The following XKR9 variants were observed in gnomAD, a reference collection of about 807,000 sequenced individuals.
XKR9 encodes XK-related protein 9.
Under a neutral mutation model 32.0 loss-of-function variants are expected in XKR9, and 32 were observed. The observed-to-expected ratio is 1.00, with a 90% CI of 0.76 to 1.34. The LOEUF (loss-of-function observed/expected upper bound fraction) is 1.34, where lower values mean the gene tolerates loss of function less well. Ranked by LOEUF, XKR9 falls within the 40% of genes most tolerant of loss-of-function variation. The pLI, the probability that XKR9 is intolerant of heterozygous loss-of-function variation, is 0.00. For synonymous variants in XKR9, 168 were observed against 143.4 expected, an observed-to-expected ratio of 1.17 and a Z score of -1.22; for missense variants, 546 against 429.7, an observed-to-expected ratio of 1.27 and a Z score of -2.39.
Position 70,681,220 on chromosome 8 carries a change from G to A in XKR9, c.162G>A (p.Val54=). The change falls in exon 3 of 5, where the codon GTG becomes GTA. Residue 54 remains valine, a synonymous_variant. Coordinates refer to ENST00000408926, the MANE Select transcript of XKR9 (RefSeq NM_001011720.2). ...ALSFMLFGTL[V]AQCFSYSWFK... ...GCTTTATGCTTTTTGGAACACTTGTGGCTCAGTGTTTTAGTTATTCTTGGT... is the reference window on the plus strand; with the variant it reads ...GCTTTATGCTTTTTGGAACACTTGTAGCTCAGTGTTTTAGTTATTCTTGGT... 2 of 1,613,518 alleles carry A rather than the reference G, an allele frequency of 1.2e-6. No individual in the cohort carries two copies. Among genetic ancestry groups the A allele is most frequent in the Non-Finnish European group, 1.7e-6 (2 of 1,179,616 alleles).
chr8:70,811,844 C>T, the XKR9 span, among the ~76,000 whole-genome samples: 1 of 151,898 alleles, frequency 6.6e-6, no homozygotes, highest in Non-Finnish European at 1.5e-5. Context: ...GGATTCACAG[C>T]CGAATTCTAC....
intron 2 of XKR9, among the ~76,000 whole-genome samples, chr8:70,785,080 G>T (rs1460487503): frequency 6.6e-6 from 1 of 151,848 alleles, no homozygotes; most frequent in Admixed American, 6.6e-5. Flanking sequence ...CTTTGAGAAG[G>T]GTTGGTATTA....
chr8:70,985,759 A>T, the XKR9 span, among the ~76,000 whole-genome samples: 4 of 148,210 alleles, frequency 2.7e-5, no homozygotes, highest in South Asian at 2.1e-4. Flanking sequence ...AATATGGTAA[A>T]TTTTTTTTTT....
At chr8:70,754,046 T>C (rs2130190313) in intron 2 of XKR9, among the ~76,000 whole-genome samples, 1 of 146,768 alleles carries the variant, frequency 6.8e-6, no homozygotes, top group Non-Finnish European at 1.5e-5. Flanking sequence ...CTCCTTAAGC[T>C]GATAAGCAAC....
chr8:70,732,614 T>C (rs956509674), intron 4 of XKR9, among the ~76,000 whole-genome samples: 2 of 152,180 alleles, frequency 1.3e-5, no homozygotes, highest in Non-Finnish European at 2.9e-5. Context: ...GGAATTACAA[T>C]AGAGAAAGAG....
Position 70,776,947 on chromosome 8 carries a change from C to CTCTCTCTCTCTA in XKR9, n.353-12391_353-12390insCTCTCTCTCTAT. 2.9e-3 allele frequency among the ~76,000 whole-genome samples: 158 copies of CTCTCTCTCTCTA among 54,212 alleles called. 3 individuals are homozygous for CTCTCTCTCTCTA. Among genetic ancestry groups the CTCTCTCTCTCTA allele is most frequent in the South Asian group, 0.012 (20 of 1,650 alleles). 35.6% of individuals were successfully genotyped at this position (54,212 alleles called of 152,430 possible). A position where few individuals can be genotyped will look rare whatever the true frequency, so the allele number is the denominator to read the frequency against. On this transcript the variant is annotated intron_variant and non_coding_transcript_variant, in intron 2 of 3. Transcript: ENST00000520273. ...TTTCTCTCTCTCTCTCTCTCTCTCT[C>CTCTCTCTCTCTA]TATATATATATATATATGTATGTAT...
intron 2 of XKR9, among the ~76,000 whole-genome samples, chr8:70,759,843 TA>T (rs1239866831): frequency 6.6e-6 from 1 of 152,190 alleles, no homozygotes; most frequent in African/African-American, 2.4e-5. Flanking sequence ...TTTATTCATA[TA>T]AAAGAGCACT....
intron 2 of XKR9, among the ~76,000 whole-genome samples, chr8:70,744,298 G>A (rs147527735): frequency 0.012 from 1,587 of 134,532 alleles, 26 homozygotes; most frequent in African/African-American, 0.042. Context: ...GTGACAGAGC[G>A]AGACTTCGCC....
the XKR9 span, among the ~76,000 whole-genome samples, chr8:70,832,710 C>G: frequency 3.9e-5 from 6 of 152,116 alleles, no homozygotes; most frequent in Non-Finnish European, 7.4e-5. Context: ...TAAGGGATAC[C>G]TATTAGCTCT....
chr8:70,697,016 T>G (rs1344508937), intron 3 of XKR9, among the ~76,000 whole-genome samples: 6 of 151,166 alleles, frequency 4.0e-5, no homozygotes, highest in Admixed American at 1.3e-4. Flanking sequence ...ATGCCTGTGA[T>G]TTTTGTACAT....
At chr8:71,027,006 T>C in the XKR9 span, among the ~76,000 whole-genome samples, 1 of 152,246 alleles carries the variant, frequency 6.6e-6, no homozygotes, top group Non-Finnish European at 1.5e-5. Flanking sequence ...ATTTAATTAA[T>C]GGAAGAGTAG....
At chr8:70,758,692 A>T (rs1807264266) in intron 2 of XKR9, among the ~76,000 whole-genome samples, 1 of 152,218 alleles carries the variant, frequency 6.6e-6, no homozygotes, top group African/African-American at 2.4e-5. Flanking sequence ...GTATTTAGAC[A>T]TTGCTCTTTT....
At chr8:70,901,491 C>T in the XKR9 span, among the ~76,000 whole-genome samples, 6 of 152,128 alleles carry the variant, frequency 3.9e-5, no homozygotes, top group African/African-American at 1.2e-4. Context: ...CCTTCACCCA[C>T]TTTTTGAAGG....
the XKR9 span, among the ~76,000 whole-genome samples, chr8:70,859,881 A>G: frequency 6.6e-6 from 1 of 152,080 alleles, no homozygotes; most frequent in East Asian, 1.9e-4. Context: ...AATGGGTGCA[A>G]ATGTACGTTT....
At chr8:70,973,090 C>T in the XKR9 span, among the ~76,000 whole-genome samples, 1 of 151,994 alleles carries the variant, frequency 6.6e-6, no homozygotes, top group Middle Eastern at 3.2e-3. Flanking sequence ...TCTGTCTGGT[C>T]CTGGACTTTT....
intron 2 of XKR9, among the ~76,000 whole-genome samples, chr8:70,769,702 G>A (rs925449966): frequency 6.6e-6 from 1 of 150,966 alleles, no homozygotes; most frequent in Non-Finnish European, 1.5e-5. Context: ...TTCAATCTTG[G>A]ATATCCTTTC....
At chr8:70,887,726 G>C in the XKR9 span, among the ~76,000 whole-genome samples, 1 of 151,920 alleles carries the variant, frequency 6.6e-6, no homozygotes, top group Non-Finnish European at 1.5e-5. Context: ...CTCTCTGCTT[G>C]TCTGTTTTTG....
the XKR9 span, among the ~76,000 whole-genome samples, chr8:71,052,142 G>A: frequency 6.6e-5 from 10 of 152,310 alleles, no homozygotes; most frequent in Non-Finnish European, 1.3e-4. Context: ...GAAAGCTTGC[G>A]GGCTACTGCC....
chr8:70,724,835 G>A (rs113177104), intron 4 of XKR9, among the ~76,000 whole-genome samples: 14 of 151,942 alleles, frequency 9.2e-5, no homozygotes, highest in African/African-American at 2.9e-4. Context: ...TCTTAGTCTG[G>A]GTTTTCTTTT....
Sources: gnomAD v4.1 joint callset for allele counts (sites outside exome capture counted in the v4.1 genomes callset) on GRCh38, gnomAD v4.1.1 for gene constraint, MANE v1.5 for transcripts, NCBI Gene and HGNC (gene_info 2026-07-23, HGNC 2026-07-21) for gene names.